CACNA2D3: variants seen among roughly 807,000 people sequenced by gnomAD.
The protein encoded by CACNA2D3 is calcium voltage-gated channel auxiliary subunit alpha2delta 3.
Under a neutral mutation model 160.6 loss-of-function variants are expected in CACNA2D3, and 60 were observed. The ratio of observed to expected loss-of-function variants is 0.37; its 90% CI spans 0.30 to 0.46. The LOEUF is 0.46. CACNA2D3 is among the 20% of genes least tolerant of loss of function. The probability of loss-of-function intolerance (pLI) is 1.00; values close to 1 mark genes in which losing one functional copy is unlikely to be tolerated. For synonymous variants in CACNA2D3, 558 were observed against 492.9 expected (o/e 1.13, Z -1.75); for missense variants, 1,205 against 1,365.0 (o/e 0.88, Z 1.85).
At chr3:55,045,728 T>A (rs1197729501) in intron 35 of CACNA2D3, among the ~76,000 whole-genome samples, 2 of 152,308 alleles carry the variant, frequency 1.3e-5, no homozygotes, top group South Asian at 2.1e-4. Flanking sequence ...GTCTGTAGAA[T>A]CTGTAGTAAT....
At chr3:54,748,342 A>T (rs1188325809) in intron 11 of CACNA2D3, among the ~76,000 whole-genome samples, 1 of 152,198 alleles carries the variant, frequency 6.6e-6, no homozygotes, top group African/African-American at 2.4e-5. Flanking sequence ...TCTGATAGGG[A>T]TTGCTTCTAT....
intron 2 of CACNA2D3, among the ~76,000 whole-genome samples, chr3:54,174,376 G>A (rs1024801976): frequency 1.3e-5 from 2 of 152,172 alleles, no homozygotes; most frequent in Non-Finnish European, 2.9e-5. Flanking sequence ...GAGGGGAGAC[G>A]GTTTTGAACG....
intron 5 of CACNA2D3, among the ~76,000 whole-genome samples, chr3:54,550,433 G>A (rs1221865927): frequency 2.6e-5 from 4 of 152,210 alleles, no homozygotes. Flanking sequence ...TGGCGCAGTG[G>A]CTCCCGCCAA....
intron 2 of CACNA2D3, among the ~76,000 whole-genome samples, chr3:54,135,846 C>T (rs1489847339): frequency 6.6e-6 from 1 of 152,218 alleles, no homozygotes; most frequent in Non-Finnish European, 1.5e-5. Flanking sequence ...TGGCCTGCCG[C>T]AGGTCTCACA....
At chr3:54,497,167 G>A (rs995329867) in intron 4 of CACNA2D3, among the ~76,000 whole-genome samples, 3 of 151,910 alleles carry the variant, frequency 2.0e-5, no homozygotes, top group Non-Finnish European at 4.4e-5. Flanking sequence ...TTTTGATTGG[G>A]AGTTCATTGA....
chr3:54,463,636 C>G (rs150123601), intron 4 of CACNA2D3, among the ~76,000 whole-genome samples: 1 of 152,156 alleles, frequency 6.6e-6, no homozygotes, highest in African/African-American at 2.4e-5. Context: ...CTCCTTTAAG[C>G]ACTTCTCTAT....
chr3:54,687,133 T>C (rs796401009), intron 11 of CACNA2D3, among the ~76,000 whole-genome samples: 435 of 26,946 alleles, frequency 0.016, 4 homozygotes, highest in African/African-American at 0.077. Context: ...TTTTTTTTTT[T>C]TGTTTTTTTT....
chr3:54,747,215 G>T (rs1701766912), intron 11 of CACNA2D3, among the ~76,000 whole-genome samples: 1 of 151,968 alleles, frequency 6.6e-6, no homozygotes. Flanking sequence ...ATATCCCTGG[G>T]CCTACTTTAT....
intron 2 of CACNA2D3, among the ~76,000 whole-genome samples, chr3:54,164,998 C>G (rs1700423512): frequency 6.6e-6 from 1 of 152,142 alleles, no homozygotes; most frequent in Admixed American, 6.5e-5. Context: ...GTTACTGCCG[C>G]TTTCACCTTT....
At chr3:54,430,695 C>A (rs1020699183) in intron 4 of CACNA2D3, among the ~76,000 whole-genome samples, 1 of 152,142 alleles carries the variant, frequency 6.6e-6, no homozygotes, top group South Asian at 2.1e-4. Flanking sequence ...ATGACTTTGA[C>A]TTTTAGACTA....
chr3:54,295,680 A>T (rs1486663072), intron 2 of CACNA2D3, among the ~76,000 whole-genome samples: 1 of 152,208 alleles, frequency 6.6e-6, no homozygotes, highest in Non-Finnish European at 1.5e-5. Context: ...AGCTTAGTGA[A>T]ATAGTAAGGC....
chr3:54,271,536 C>G (rs1270644977), intron 2 of CACNA2D3, among the ~76,000 whole-genome samples: 3 of 152,232 alleles, frequency 2.0e-5, no homozygotes, highest in Non-Finnish European at 4.4e-5. Context: ...TTGGCCTTTT[C>G]TTTACTTGTC....
At chr3:54,614,064 C>T (rs1385781069) in intron 9 of CACNA2D3, among the ~76,000 whole-genome samples, 1 of 152,182 alleles carries the variant, frequency 6.6e-6, no homozygotes, top group Non-Finnish European at 1.5e-5. Flanking sequence ...TTCAATTGAT[C>T]AAGCACAGCA....
intron 3 of CACNA2D3, among the ~76,000 whole-genome samples, chr3:54,363,733 A>G (rs1485103277): frequency 6.6e-6 from 1 of 152,208 alleles, no homozygotes; most frequent in Non-Finnish European, 1.5e-5. Flanking sequence ...GTGGCAGATC[A>G]CCAAAACCCA....
intron 11 of CACNA2D3, among the ~76,000 whole-genome samples, chr3:54,709,969 TA>T (rs1422602750): frequency 6.6e-6 from 1 of 152,186 alleles, no homozygotes; most frequent in Non-Finnish European, 1.5e-5. Context: ...GTAGAGGTAT[TA>T]TTTTCCAAAA....
At chr3:54,739,454 CCA>C (rs371963374) in intron 11 of CACNA2D3, among the ~76,000 whole-genome samples, 5 of 137,374 alleles carry the variant, frequency 3.6e-5, no homozygotes, top group Admixed American at 7.3e-5. Context: ...AAAAAAAAAA[CCA>C]CACACACACA....
intron 10 of CACNA2D3, among the ~76,000 whole-genome samples, chr3:54,631,203 A>AACACACACAC (rs67944483): frequency 0.042 from 6,116 of 145,804 alleles, 238 homozygotes; most frequent in Admixed American, 0.11. Context: ...GACTCCATCA[A>AACACACACAC]ACACACACAC....
chr3:55,017,953 A>G (rs1703363053), intron 34 of CACNA2D3, among the ~76,000 whole-genome samples: 1 of 152,214 alleles, frequency 6.6e-6, no homozygotes, highest in African/African-American at 2.4e-5. Context: ...ATGTTGTCCC[A>G]GAAAGTAGAA....
At chr3:54,778,278 A>G (rs1351531582) in intron 13 of CACNA2D3, among the ~76,000 whole-genome samples, 1 of 152,086 alleles carries the variant, frequency 6.6e-6, no homozygotes, top group African/African-American at 2.4e-5. Flanking sequence ...CCCTTCTCCA[A>G]CATTGGGGGT....
Sources: gnomAD v4.1 joint callset for allele counts (sites outside exome capture counted in the v4.1 genomes callset) on GRCh38, gnomAD v4.1.1 for gene constraint, MANE v1.5 for transcripts, NCBI Gene and HGNC (gene_info 2026-07-23, HGNC 2026-07-21) for gene names.